The following PUM1 variants were observed in gnomAD, a reference collection of about 807,000 sequenced individuals.
PUM1 encodes pumilio homolog 1.
PUM1 carries 13 observed loss-of-function variants against 131.8 expected under a neutral mutation model. That is an observed-to-expected ratio of 0.10 (90% CI 0.06 to 0.16). PUM1 has a LOEUF of 0.16. Ranked by LOEUF, PUM1 falls within the 10% of genes least tolerant of loss-of-function variation. The pLI is 1.00. For missense variants in PUM1, 961 were observed against 1,512.4 expected, an observed-to-expected ratio of 0.64 and a Z score of 6.05; for synonymous variants, 509 against 556.5, an observed-to-expected ratio of 0.91 and a Z score of 1.20.
intron 14 of PUM1, among the ~76,000 whole-genome samples, chr1:30,957,310 T>A (rs1640209368): frequency 6.6e-6 from 1 of 152,186 alleles, no homozygotes; most frequent in South Asian, 2.1e-4. Flanking sequence ...TTGAAAAAAA[T>A]GCGTGACAAA....
chr1:31,027,289 A>C (rs1643259256), intron 3 of PUM1, among the ~76,000 whole-genome samples: 1 of 152,214 alleles, frequency 6.6e-6, no homozygotes, highest in African/African-American at 2.4e-5. Context: ...AAAAAATTCA[A>C]AAAAGAAAGA....
intron 19 of PUM1, among the ~76,000 whole-genome samples, 174 bp from the exon 20 acceptor site, chr1:30,941,446 CA>C (rs1304346934): frequency 6.6e-6 from 1 of 152,108 alleles, no homozygotes; most frequent in African/African-American, 2.4e-5. Flanking sequence ...TCTATTATTA[CA>C]AAACAGGAAC....
chr1:30,998,488 A>T (rs1192334917), intron 5 of PUM1, among the ~76,000 whole-genome samples: 3 of 151,988 alleles, frequency 2.0e-5, no homozygotes, highest in African/African-American at 7.3e-5. Context: ...AAAAGTTTTT[A>T]AAAAAATTAG....
At chr1:30,969,082 T>C (rs1570157591) in intron 10 of PUM1, among the ~76,000 whole-genome samples, 1 of 151,868 alleles carries the variant, frequency 6.6e-6, no homozygotes, top group Non-Finnish European at 1.5e-5. Context: ...GGCAGGTGGA[T>C]TATCAGAGGT....
Position 30,932,244 on chromosome 1 carries a change from T to G in PUM1, c.*967A>C, listed in dbSNP as rs1638994443. The G allele has an allele frequency of 6.6e-6, 1 of 152,616 alleles. No individual in the cohort carries two copies. The highest frequency in any genetic ancestry group is 2.1e-4 in the South Asian group (1 of 4,834). 9.5% of individuals were successfully genotyped at this position (152,616 alleles called of 1,614,324 possible). A position where few individuals can be genotyped will look rare whatever the true frequency, so the allele number is the denominator to read the frequency against. ...CACATTTACATTACAGGTATACAAATGTACAATTGTACAATCAAAAGTATG... is the reference window on the plus strand; with the variant it reads ...CACATTTACATTACAGGTATACAAAGGTACAATTGTACAATCAAAAGTATG... On this transcript the variant is annotated 3_prime_UTR_variant, in exon 22 of 22. Coordinates refer to ENST00000426105, the MANE Select transcript of PUM1 (RefSeq NM_001020658.2).
chr1:31,022,393 G>C (rs1202714988), intron 3 of PUM1, among the ~76,000 whole-genome samples: 1 of 152,216 alleles, frequency 6.6e-6, no homozygotes, highest in Non-Finnish European at 1.5e-5. Context: ...ATCTTCTGCT[G>C]CAAGAGTATG....
At chr1:30,952,460 A>C in intron 15 of PUM1, 97 bp from the exon 16 acceptor site, 1 of 1,575,106 alleles carries the variant, frequency 6.3e-7, no homozygotes. Context: ...GTTCTGAAAC[A>C]TGTGAGTGAG....
intron 14 of PUM1, among the ~76,000 whole-genome samples, chr1:30,962,036 C>A (rs573895910): frequency 2.0e-5 from 3 of 152,268 alleles, no homozygotes; most frequent in Non-Finnish European, 4.4e-5. Flanking sequence ...AAGTAGCACA[C>A]CTCTACTTTC....
intron 9 of PUM1, 44 bp downstream of exon 9, chr1:30,980,018 T>C: frequency 7.1e-7 from 1 of 1,399,272 alleles, no homozygotes. Flanking sequence ...CTCAAATGAC[T>C]TTTCAGCAGG....
intron 1 of PUM1, among the ~76,000 whole-genome samples, chr1:31,060,564 T>C (rs868516721): frequency 5.9e-5 from 9 of 152,124 alleles, no homozygotes; most frequent in South Asian, 2.1e-4. Flanking sequence ...ATGGCTCAGA[T>C]TGTGTAATTT....
chr1:31,039,730 G>A (rs928246725), intron 2 of PUM1, among the ~76,000 whole-genome samples: 7 of 151,782 alleles, frequency 4.6e-5, no homozygotes, highest in East Asian at 3.9e-4. Flanking sequence ...GTAAAACCCC[G>A]TCTCTACTAA....
chr1:31,038,333 C>A (rs546811027), intron 2 of PUM1, among the ~76,000 whole-genome samples: 19 of 152,202 alleles, frequency 1.2e-4, no homozygotes, highest in Admixed American at 1.0e-3. Flanking sequence ...CTTTAACCTG[C>A]GATTACTTCT....
At chr1:30,933,439 TACACACACACACACACACACAC>T (rs58664754) in intron 21 of PUM1, 97 bp from the exon 22 acceptor site, 84 of 363,978 alleles carry the variant, frequency 2.3e-4, no homozygotes, top group Admixed American at 1.2e-3. Context: ...CACACACACA[TACACACACACACACACACACAC>T]ACACACACAC....
intron 1 of PUM1, among the ~76,000 whole-genome samples, chr1:31,061,510 G>T (rs933762046): frequency 9.9e-5 from 15 of 151,578 alleles, no homozygotes; most frequent in Admixed American, 8.5e-4. Flanking sequence ...CAGCTACTTG[G>T]GAGGCTGAGG....
In PUM1 at chr1:31,000,957, C is replaced by T. The variant is rs373671684; in HGVS notation, c.720+4896G>A. On this transcript the variant is annotated intron_variant, in intron 5 of 21. Coordinates refer to ENST00000426105, the MANE Select transcript of PUM1 (RefSeq NM_001020658.2). ...ATCCCAGCACTTTGGGAGGCTGAGG[C>T]GGGCGGATCACGAGGTCAGGAGAGC... Among the ~76,000 whole-genome samples, 9 of 152,046 alleles carry T rather than the reference C, an allele frequency of 5.9e-5. No homozygotes were observed. The South Asian group carries it at 1.5e-3, about 25-fold the overall frequency.
rs561882517 is a variant in PUM1 at position 30,989,193 on chromosome 1, G to A, written c.1158+3197C>T. 4.0e-3 allele frequency among the ~76,000 whole-genome samples: 609 copies of A among 152,062 alleles called. 2 individuals carry two copies. Among genetic ancestry groups the A allele is most frequent in the South Asian group, 1.0e-2 (48 of 4,812 alleles). On this transcript the variant is annotated intron_variant, in intron 7 of 21. Coordinates refer to ENST00000426105, the MANE Select transcript of PUM1 (RefSeq NM_001020658.2). ...ACTGACTACTTCTACATTATCTACT[G>A]AACACATATCTGTTTTACTATTTCC...
chr1:31,008,807 T>C (rs184764509), intron 3 of PUM1, among the ~76,000 whole-genome samples: 382 of 152,226 alleles, frequency 2.5e-3, no homozygotes, highest in African/African-American at 9.1e-3. Flanking sequence ...TGAAAATTAA[T>C]GTAAACTATG....
chr1:30,971,722 A>G (rs1640878252), intron 10 of PUM1, among the ~76,000 whole-genome samples: 2 of 152,208 alleles, frequency 1.3e-5, no homozygotes, highest in African/African-American at 4.8e-5. Flanking sequence ...CTATTTCATA[A>G]AACAAGAAGT....
chr1:31,059,980 G>A (rs1294570471), intron 1 of PUM1, among the ~76,000 whole-genome samples: 1 of 151,402 alleles, frequency 6.6e-6, no homozygotes, highest in Non-Finnish European at 1.5e-5. Context: ...CTGAGTAGCT[G>A]GTACTACAGG....
Sources: gnomAD v4.1 joint callset for allele counts (sites outside exome capture counted in the v4.1 genomes callset) on GRCh38, gnomAD v4.1.1 for gene constraint, MANE v1.5 for transcripts, NCBI Gene and HGNC (gene_info 2026-07-23, HGNC 2026-07-21) for gene names.